The following NELL2 variants were observed in gnomAD, a reference collection of about 807,000 sequenced individuals.
NELL2 encodes neural EGFL like 2, also known as protein kinase C-binding protein NELL2.
A neutral mutation model predicts 109.6 loss-of-function variants in NELL2; 41 were observed. The observed-to-expected ratio is 0.37, with a 90% CI of 0.29 to 0.49. The LOEUF is 0.49. NELL2 is among the 20% of genes least tolerant of loss of function. The pLI is 0.98. For synonymous variants in NELL2, 355 were observed against 344.7 expected (o/e 1.03, Z -0.33); for missense variants, 900 against 1,008.3 (o/e 0.89, Z 1.45).
chr12:44,734,619 T>C (rs910461833), intron 9 of NELL2, among the ~76,000 whole-genome samples: 6 of 151,936 alleles, frequency 3.9e-5, no homozygotes, highest in African/African-American at 1.4e-4. Context: ...AGTTTAGAAA[T>C]TTAACACTCT....
intron 9 of NELL2, among the ~76,000 whole-genome samples, chr12:44,768,751 T>C (rs1422996151): frequency 7.0e-6 from 1 of 142,106 alleles, no homozygotes. Context: ...TGATTGCTAC[T>C]TCTACCTTTT....
intron 3 of NELL2, among the ~76,000 whole-genome samples, chr12:44,807,490 G>T (rs1943041249): frequency 6.6e-6 from 1 of 151,744 alleles, no homozygotes; most frequent in Admixed American, 6.6e-5. Flanking sequence ...AGAAAATCAG[G>T]AAGAGCTATA....
chr12:44,743,671 T>C (rs185978430), intron 9 of NELL2, among the ~76,000 whole-genome samples: 177 of 152,184 alleles, frequency 1.2e-3, no homozygotes, highest in African/African-American at 3.7e-3. Context: ...TAAAACAGAC[T>C]TTAAACCAAC....
chr12:44,590,739 G>C (rs1944713849), intron 15 of NELL2, among the ~76,000 whole-genome samples: 1 of 152,004 alleles, frequency 6.6e-6, no homozygotes, highest in South Asian at 2.1e-4. Context: ...GACCTCAAAA[G>C]CAAAGGCAAC....
At chr12:44,889,654 G>A (rs2710447) in intron 1 of NELL2, among the ~76,000 whole-genome samples, 20,586 of 151,902 alleles carry the variant, frequency 0.14, 1,529 homozygotes, top group East Asian at 0.23. Flanking sequence ...TCCAGAAATC[G>A]GCTTTACTTA....
rs571044954 is a variant in NELL2 at position 44,686,066 on chromosome 12, A to G, written c.1318+17660T>C. Among the ~76,000 whole-genome samples, 5 of 152,240 alleles carry G rather than the reference A, an allele frequency of 3.3e-5. No homozygotes were observed. The East Asian group carries it at 7.7e-4, about 24-fold the overall frequency. ...TTTCAGGTACACCAATCAGACATAG[A>G]TTTGGTCTTTTCACATAGTCCCATA... is the stretch of plus-strand genomic sequence containing the variant. On this transcript the variant is annotated intron_variant, in intron 12 of 19. Transcript: ENST00000429094.
chr12:44,876,538 C>G (rs1945332126), upstream of NELL2: 1 of 1,441,326 alleles, frequency 6.9e-7, no homozygotes, highest in Admixed American at 2.5e-5. Context: ...CCGGGCAATG[C>G]CAACCTCCTT....
intron 12 of NELL2, among the ~76,000 whole-genome samples, chr12:44,671,903 T>A (rs1259495603): frequency 6.6e-6 from 1 of 152,058 alleles, no homozygotes; most frequent in East Asian, 1.9e-4. Context: ...CATCAACAAG[T>A]CCATGTGCAC....
intron 2 of NELL2, among the ~76,000 whole-genome samples, chr12:44,847,985 T>C (rs1480321274): frequency 7.3e-6 from 1 of 136,618 alleles, no homozygotes; most frequent in Non-Finnish European, 1.5e-5. Flanking sequence ...TGAGCCAAGA[T>C]CGCACCACTG....
chr12:44,825,184 G>A (rs2136706725), intron 2 of NELL2, among the ~76,000 whole-genome samples: 1 of 152,132 alleles, frequency 6.6e-6, no homozygotes, highest in East Asian at 1.9e-4. Context: ...CATTGAATCT[G>A]TACATAACTA....
intron 13 of NELL2, among the ~76,000 whole-genome samples, chr12:44,651,286 C>T (rs1947292153): frequency 6.6e-6 from 1 of 152,170 alleles, no homozygotes. Flanking sequence ...TTTATGGTAA[C>T]ATAAGTAGAC....
intron 15 of NELL2, among the ~76,000 whole-genome samples, chr12:44,585,125 G>C (rs1265803966): frequency 6.6e-6 from 1 of 152,244 alleles, no homozygotes; most frequent in East Asian, 1.9e-4. Context: ...AATATAACTT[G>C]CATACATCCT....
intron 13 of NELL2, among the ~76,000 whole-genome samples, chr12:44,619,971 T>C (rs186136349): frequency 3.9e-5 from 6 of 152,236 alleles, no homozygotes; most frequent in Admixed American, 1.3e-4. Context: ...TTGGGCTCCA[T>C]AGTGAATCAA....
intron 2 of NELL2, among the ~76,000 whole-genome samples, chr12:44,830,609 A>C (rs2136720858): frequency 6.6e-6 from 1 of 152,226 alleles, no homozygotes; most frequent in Non-Finnish European, 1.5e-5. Flanking sequence ...CCTTGTTTCC[A>C]CAGGCCCCAA....
chr12:44,587,307 A>ATATATAT (rs1302978950), intron 15 of NELL2, among the ~76,000 whole-genome samples: 75 of 96,642 alleles, frequency 7.8e-4, no homozygotes, highest in African/African-American at 2.9e-3. Context: ...ATATATATAT[A>ATATATAT]TTTTTTTTTA....
chr12:44,808,112 G>T lies in NELL2; in HGVS notation c.335+7874C>A, dbSNP rs538833451. ...AAATGTGTAATGAAAGTGAATATGGGCTGGTTAGTCTATGGGCTGCGGCAG... is the reference window on the plus strand; with the variant it reads ...AAATGTGTAATGAAAGTGAATATGGTCTGGTTAGTCTATGGGCTGCGGCAG... On this transcript the variant is annotated intron_variant, in intron 3 of 19. Coordinates refer to ENST00000429094, the MANE Select transcript of NELL2 (RefSeq NM_001145108.2). 1.4e-4 allele frequency among the ~76,000 whole-genome samples: 21 copies of T among 152,164 alleles called. No homozygotes were observed. In the East Asian group the frequency reaches 4.1e-3, roughly 29 times the overall value.
At chr12:44,736,358 T>C (rs920834995) in intron 9 of NELL2, among the ~76,000 whole-genome samples, 2 of 152,050 alleles carry the variant, frequency 1.3e-5, no homozygotes, top group African/African-American at 4.8e-5. Flanking sequence ...AAAGAGTTGC[T>C]AAAACAAAAA....
At chr12:44,619,654 A>T (rs1945973450) in intron 13 of NELL2, among the ~76,000 whole-genome samples, 1 of 152,042 alleles carries the variant, frequency 6.6e-6, no homozygotes, top group South Asian at 2.1e-4. Flanking sequence ...GAGAAGGAGG[A>T]GGAGGAGGAG....
intron 9 of NELL2, among the ~76,000 whole-genome samples, chr12:44,732,012 A>G (rs762512931): frequency 1.3e-5 from 2 of 152,052 alleles, no homozygotes; most frequent in Non-Finnish European, 2.9e-5. Context: ...AGAAATAAAC[A>G]TAACCAATGA....
Sources: gnomAD v4.1 joint callset for allele counts (sites outside exome capture counted in the v4.1 genomes callset) on GRCh38, gnomAD v4.1.1 for gene constraint, MANE v1.5 for transcripts, NCBI Gene and HGNC (gene_info 2026-07-23, HGNC 2026-07-21) for gene names.